ANKS1A: variants seen among roughly 807,000 people sequenced by gnomAD.
ANKS1A encodes ankyrin repeat and SAM domain-containing protein 1A.
A neutral mutation model predicts 120.3 loss-of-function variants in ANKS1A; 55 were observed. The observed-to-expected ratio is 0.46, with a 90% CI of 0.37 to 0.57. ANKS1A has a LOEUF of 0.57. Among genes scored for constraint, ANKS1A ranks in the 20% least tolerant of loss-of-function variants. The probability of loss-of-function intolerance (pLI) is 0.00; values close to 1 mark genes in which losing one functional copy is unlikely to be tolerated. For missense variants in ANKS1A, 1,123 were observed against 1,480.3 expected (o/e 0.76, Z 3.96); for synonymous variants, 590 against 604.7 (o/e 0.98, Z 0.36).
intron 10 of ANKS1A, among the ~76,000 whole-genome samples, chr6:35,012,051 C>A (rs1397866411): frequency 1.3e-5 from 2 of 152,172 alleles, no homozygotes; most frequent in Non-Finnish European, 2.9e-5. Context: ...AAAACCATTT[C>A]ATCAAAAGCC....
At chr6:35,061,948 C>G (rs1776528942) in intron 13 of ANKS1A, among the ~76,000 whole-genome samples, 1 of 152,220 alleles carries the variant, frequency 6.6e-6, no homozygotes, top group Non-Finnish European at 1.5e-5. Flanking sequence ...GGTGTTCCCT[C>G]CCTGTACTTC....
intron 13 of ANKS1A, among the ~76,000 whole-genome samples, chr6:35,073,461 G>T (rs1214558573): frequency 1.3e-5 from 2 of 152,184 alleles, no homozygotes; most frequent in African/African-American, 2.4e-5. Context: ...AGTCAGGACA[G>T]GGGGAGGCCC....
At position 34,910,900 on chromosome 6, in the gene ANKS1A, T is replaced by A. The variant is rs565372116; in HGVS notation, c.197+21301T>A. 2.7e-5 allele frequency among the ~76,000 whole-genome samples: 4 copies of A among 150,038 alleles called. No homozygotes were observed. In the East Asian group the frequency reaches 5.9e-4, roughly 22 times the overall value. ...AGAAAGAAAGAAAAAGAAAAAAGAA[T>A]GAATGAATGAATGAATAGGATATTA... On this transcript the variant is annotated intron_variant, in intron 1 of 23. Coordinates refer to ENST00000360359, the MANE Select transcript of ANKS1A (RefSeq NM_015245.3).
At chr6:35,032,672 T>G (rs1376784474) in intron 11 of ANKS1A, among the ~76,000 whole-genome samples, 2 of 152,214 alleles carry the variant, frequency 1.3e-5, no homozygotes, top group Non-Finnish European at 2.9e-5. Flanking sequence ...GTTTTTCTTC[T>G]TCTTGAGGGA....
intron 2 of ANKS1A, among the ~76,000 whole-genome samples, chr6:34,968,882 G>A (rs1377584131): frequency 5.3e-5 from 8 of 152,192 alleles, no homozygotes; most frequent in Non-Finnish European, 1.0e-4. Flanking sequence ...ATACCAAAAA[G>A]AGGCAGTGGT....
Position 35,086,141 on chromosome 6 carries a change from T to C in ANKS1A, c.3303+205T>C, listed in dbSNP as rs1777963236. ...TCTGGCCTGGGCGGGCCTCTCATGCTCCTGTTTCCCTCCCTCGCTGGGCTC... is the reference window on the plus strand; with the variant it reads ...TCTGGCCTGGGCGGGCCTCTCATGCCCCTGTTTCCCTCCCTCGCTGGGCTC... On this transcript the variant is annotated intron_variant, in intron 22 of 23. Coordinates refer to ENST00000360359, the MANE Select transcript of ANKS1A (RefSeq NM_015245.3). The surrounding 1 kb of genome is among the most constrained non-coding windows in gnomAD (Gnocchi z 5.1). 1.7e-6 allele frequency: 2 copies of C among 1,181,416 alleles called. No homozygotes were observed. The highest frequency in any genetic ancestry group is 2.3e-5 in the Admixed American group (1 of 43,130). 73.2% of individuals were successfully genotyped at this position (1,181,416 alleles called of 1,614,324 possible). A position where few individuals can be genotyped will look rare whatever the true frequency, so the allele number is the denominator to read the frequency against.
rs149126754 is a variant in ANKS1A at position 35,039,021 on chromosome 6, G to C, written c.2011-15078G>C. Among the ~76,000 whole-genome samples, 187 of 151,894 alleles carry C rather than the reference G, an allele frequency of 1.2e-3. 1 individual carries two copies. The highest frequency in any genetic ancestry group is 3.4e-3 in the Middle Eastern group (1 of 294). ...CAATACCAAAACCAGGCGATTGACC[G>C]TGGAAGAATCCACACATCCACACAC... On this transcript the variant is annotated intron_variant, in intron 11 of 23. Coordinates refer to ENST00000360359, the MANE Select transcript of ANKS1A (RefSeq NM_015245.3).
At chr6:34,993,884 A>G (rs921155485) in intron 9 of ANKS1A, among the ~76,000 whole-genome samples, 1 of 152,246 alleles carries the variant, frequency 6.6e-6, no homozygotes, top group East Asian at 1.9e-4. Flanking sequence ...CACTGTAGGC[A>G]TGGGAGACGC....
At chr6:34,917,182 A>G (rs571277117) in intron 1 of ANKS1A, among the ~76,000 whole-genome samples, 1 of 152,308 alleles carries the variant, frequency 6.6e-6, no homozygotes, top group Non-Finnish European at 1.5e-5. Context: ...GGGAAGAGCC[A>G]GGAGAGAAGG....
intron 1 of ANKS1A, among the ~76,000 whole-genome samples, chr6:34,961,416 A>G (rs544866042): frequency 6.6e-6 from 1 of 152,318 alleles, no homozygotes; most frequent in African/African-American, 2.4e-5. Flanking sequence ...CCAGTCCCCA[A>G]AACTTCTAGA....
intron 1 of ANKS1A, among the ~76,000 whole-genome samples, chr6:34,900,907 C>T (rs6907427): frequency 0.073 from 11,088 of 152,076 alleles, 616 homozygotes; most frequent in East Asian, 0.23. Flanking sequence ...AATGCCTTTA[C>T]GTCTATGCCA....
chr6:34,975,105 G>A (rs961576031), intron 3 of ANKS1A, among the ~76,000 whole-genome samples: 2 of 152,102 alleles, frequency 1.3e-5, no homozygotes, highest in Non-Finnish European at 2.9e-5. Context: ...TTCTTTCTTT[G>A]GAAATAATTC....
chr6:34,931,009 T>TGG (rs889071293), intron 1 of ANKS1A, among the ~76,000 whole-genome samples: 36 of 151,348 alleles, frequency 2.4e-4, no homozygotes, highest in Non-Finnish European at 4.6e-4. Context: ...CCTGAGTAGG[T>TGG]GGGATTACAG....
At chr6:35,023,239 C>A (rs1774437103) in intron 11 of ANKS1A, among the ~76,000 whole-genome samples, 1 of 152,144 alleles carries the variant, frequency 6.6e-6, no homozygotes, top group Non-Finnish European at 1.5e-5. Flanking sequence ...CTTACCCAAA[C>A]CTGTGTAAAT....
rs867544865 is a variant in ANKS1A at position 34,975,463 on chromosome 6, C to A, written c.435+5297C>A. Among the ~76,000 whole-genome samples, 206 of 142,648 alleles carry A rather than the reference C, an allele frequency of 1.4e-3. 4 individuals are homozygous for A. The highest frequency in any genetic ancestry group is 4.1e-3 in the South Asian group (18 of 4,438). 93.6% of individuals were successfully genotyped at this position (142,648 alleles called of 152,430 possible). A position where few individuals can be genotyped will look rare whatever the true frequency, so the allele number is the denominator to read the frequency against. ...AGTGAGACTCAAAAAAAAAAAACAACAAAAAAAAGGAAAGCTAGCCAGTGT... is the reference window on the plus strand; with the variant it reads ...AGTGAGACTCAAAAAAAAAAAACAAAAAAAAAAAGGAAAGCTAGCCAGTGT... On this transcript the variant is annotated intron_variant, in intron 3 of 23. Coordinates refer to ENST00000360359, the MANE Select transcript of ANKS1A (RefSeq NM_015245.3).
chr6:34,937,858 G>C (rs941693276), intron 1 of ANKS1A, among the ~76,000 whole-genome samples: 1 of 152,122 alleles, frequency 6.6e-6, no homozygotes, highest in African/African-American at 2.4e-5. Flanking sequence ...AAACTTATTA[G>C]GACAAAATCA....
At chr6:34,994,780 C>T (rs1007495975) in intron 10 of ANKS1A, among the ~76,000 whole-genome samples, 8 of 152,134 alleles carry the variant, frequency 5.3e-5, no homozygotes, top group African/African-American at 1.9e-4. Context: ...CAAGTCAGTC[C>T]CTTTGGGTTC....
chr6:34,946,640 A>AT (rs962969045), intron 1 of ANKS1A, among the ~76,000 whole-genome samples: 11 of 151,470 alleles, frequency 7.3e-5, no homozygotes, highest in African/African-American at 2.7e-4. Context: ...AATTTCATTG[A>AT]TTTTTTAAAG....
intron 1 of ANKS1A, among the ~76,000 whole-genome samples, chr6:34,892,492 G>A (rs575584347): frequency 6.6e-6 from 1 of 152,316 alleles, no homozygotes; most frequent in East Asian, 1.9e-4. Flanking sequence ...CTTGCCTGAA[G>A]TAAAGCTGGC....
Sources: gnomAD v4.1 joint callset for allele counts (sites outside exome capture counted in the v4.1 genomes callset) on GRCh38, gnomAD v4.1.1 for gene constraint, Gnocchi (gnomAD v3.1) non-coding constraint, MANE v1.5 for transcripts, NCBI Gene and HGNC (gene_info 2026-07-23, HGNC 2026-07-21) for gene names.